SBF2: variants seen among roughly 807,000 people sequenced by gnomAD.
SBF2 encodes the protein SET binding factor 2.
A neutral mutation model predicts 225.2 loss-of-function variants in SBF2; 112 were observed. The observed-to-expected ratio is 0.50, with a 90% CI of 0.43 to 0.58. The LOEUF (loss-of-function observed/expected upper bound fraction) is 0.58, where lower values mean the gene tolerates loss of function less well. Ranked by LOEUF, SBF2 falls within the 20% of genes least tolerant of loss-of-function variation. The pLI is 0.00. For missense variants in SBF2, 1,996 were observed against 2,206.2 expected (o/e 0.90, Z 1.91); for synonymous variants, 763 against 773.3 (o/e 0.99, Z 0.22).
At chr11:9,940,292 C>A (rs1865175284) in intron 16 of SBF2, among the ~76,000 whole-genome samples, 1 of 152,104 alleles carries the variant, frequency 6.6e-6, no homozygotes, top group Admixed American at 6.5e-5. Context: ...GTAGTCCCAG[C>A]TACTTGGGAG....
intron 17 of SBF2, among the ~76,000 whole-genome samples, chr11:9,860,749 A>G (rs1857669441): frequency 6.6e-6 from 1 of 152,248 alleles, no homozygotes; most frequent in Admixed American, 6.5e-5. Context: ...AACATAATCA[A>G]TGGCAACTCT....
At chr11:9,884,592 G>C (rs1860104032) in intron 17 of SBF2, among the ~76,000 whole-genome samples, 1 of 152,172 alleles carries the variant, frequency 6.6e-6, no homozygotes, top group Admixed American at 6.5e-5. Flanking sequence ...TCCTAAGGTT[G>C]CAAATTTCAC....
intron 16 of SBF2, among the ~76,000 whole-genome samples, chr11:9,941,653 G>C (rs896048834): frequency 5.9e-5 from 9 of 152,132 alleles, no homozygotes; most frequent in Admixed American, 5.2e-4. Context: ...GAATGGAAAT[G>C]GACTTAATAA....
chr11:9,809,198 A>T lies in SBF2; in HGVS notation c.4156-196T>A, dbSNP rs1854028778. ...ATGACACTTTTGACTGGATGCAATG[A>T]CTCATGCCCATAATCCCAGCACTTT... On this transcript the variant is annotated intron_variant, in intron 30 of 39. Coordinates refer to ENST00000256190, the MANE Select transcript of SBF2 (RefSeq NM_030962.4). The T allele has an allele frequency of 1.2e-5, 6 of 514,394 alleles. No homozygotes were observed. In the Admixed American group the frequency reaches 1.6e-4, roughly 14 times the overall value. 31.9% of individuals were successfully genotyped at this position (514,394 alleles called of 1,614,324 possible).
At chr11:9,848,316 G>C (rs1005163278) in intron 22 of SBF2, among the ~76,000 whole-genome samples, 1 of 152,054 alleles carries the variant, frequency 6.6e-6, no homozygotes, top group Non-Finnish European at 1.5e-5. Context: ...TATATAACAT[G>C]TAAAATTATA....
At chr11:10,133,510 T>TG (rs1178987441) in intron 2 of SBF2, among the ~76,000 whole-genome samples, 1 of 135,930 alleles carries the variant, frequency 7.4e-6, no homozygotes, top group Admixed American at 7.6e-5. Flanking sequence ...CCAGCACTGC[T>TG]GGGGGACTCA....
At chr11:10,175,964 C>G (rs936449126) in intron 2 of SBF2, among the ~76,000 whole-genome samples, 1 of 145,306 alleles carries the variant, frequency 6.9e-6, no homozygotes. Flanking sequence ...TTGAAACCAA[C>G]GAGAACAAAG....
At chr11:10,004,400 C>T (rs1338321710) in intron 6 of SBF2, among the ~76,000 whole-genome samples, 1 of 151,768 alleles carries the variant, frequency 6.6e-6, no homozygotes, top group African/African-American at 2.4e-5. Context: ...TCATGACTAA[C>T]TCTCCCAAGT....
chr11:9,947,335 A>G (rs1295646315), intron 16 of SBF2, among the ~76,000 whole-genome samples: 2 of 152,170 alleles, frequency 1.3e-5, no homozygotes. Context: ...AATGTCTATG[A>G]CCGCTCTAAA....
chr11:10,097,446 T>G (rs4529876), intron 2 of SBF2, among the ~76,000 whole-genome samples: 40,986 of 152,200 alleles, frequency 0.27, 5,849 homozygotes, highest in Admixed American at 0.36. Flanking sequence ...ACAGTATTAC[T>G]TTCCAGGCAA....
chr11:10,037,469 CAA>C (rs1220799178), intron 3 of SBF2, among the ~76,000 whole-genome samples: 2 of 151,938 alleles, frequency 1.3e-5, no homozygotes, highest in Non-Finnish European at 2.9e-5. Flanking sequence ...ATTTTTAGTT[CAA>C]AGAGTTGGAT....
rs760329902 is a variant in SBF2 at position 9,808,164 on chromosome 11, G to A, written c.4279C>T (p.Leu1427Phe). ...TAQVTSLVQL[L>F]SDPFYRTLEG... Reference sequence around the variant, plus strand: ...AGTGTCCTATAAAAGGGATCACTGAGTAACTGAACCAGGGATGTCACCTAG... The same window carrying A: ...AGTGTCCTATAAAAGGGATCACTGAATAACTGAACCAGGGATGTCACCTAG... Residue 1427 changes from leucine (L) to phenylalanine (F), a missense_variant, in exon 32 of 40, where the codon CTC (leucine) becomes TTC (phenylalanine). Physicochemically the swap from Leu to Phe is conservative, Grantham distance 22. Transcript: ENST00000256190. The A allele has an allele frequency of 6.2e-7, 1 of 1,614,068 alleles. No homozygotes were observed. The highest frequency in any genetic ancestry group is 1.1e-5 in the South Asian group (1 of 91,078).
intron 2 of SBF2, among the ~76,000 whole-genome samples, chr11:10,136,847 T>C (rs1162804297): frequency 6.6e-6 from 1 of 152,244 alleles, no homozygotes; most frequent in Non-Finnish European, 1.5e-5. Context: ...GCCAATACAA[T>C]AGGATGATTC....
intron 29 of SBF2, among the ~76,000 whole-genome samples, chr11:9,816,067 G>A (rs570127910): frequency 3.3e-5 from 5 of 152,318 alleles, no homozygotes; most frequent in African/African-American, 9.6e-5. Flanking sequence ...TGGATTAAAC[G>A]TTGAGATTTC....
At chr11:9,932,983 A>C (rs1345048645) in intron 16 of SBF2, among the ~76,000 whole-genome samples, 2 of 150,834 alleles carry the variant, frequency 1.3e-5, no homozygotes, top group African/African-American at 2.4e-5. Context: ...AAAAAAAAAA[A>C]AAAACAGGTG....
chr11:9,888,292 T>C (rs1219558073), intron 17 of SBF2, among the ~76,000 whole-genome samples: 1 of 150,654 alleles, frequency 6.6e-6, no homozygotes, highest in African/African-American at 2.4e-5. Flanking sequence ...AGCCCAGGAG[T>C]TTGAGACCAG....
At chr11:10,279,106 T>TAAAAAAA (rs58093618) in intron 1 of SBF2, among the ~76,000 whole-genome samples, 3 of 56,118 alleles carry the variant, frequency 5.3e-5, no homozygotes, top group East Asian at 5.5e-4. Flanking sequence ...GGTCTTGTAT[T>TAAAAAAA]AAAAAAAAAA....
intron 1 of SBF2, among the ~76,000 whole-genome samples, chr11:10,236,376 C>T (rs1438821693): frequency 6.6e-6 from 1 of 152,112 alleles, no homozygotes; most frequent in Non-Finnish European, 1.5e-5. Context: ...GGTGGGAGAA[C>T]CACTTGGCTG....
intron 1 of SBF2, 86 bp downstream of exon 1, chr11:10,293,929 G>GGCCCC: frequency 9.6e-7 from 1 of 1,038,518 alleles, no homozygotes; most frequent in Non-Finnish European, 1.2e-6. Flanking sequence ...CCCGACGCCC[G>GGCCCC]TCCCCGACGC....
Sources: allele counts gnomAD v4.1 joint callset (sites outside exome capture counted in the v4.1 genomes callset), GRCh38; gene constraint gnomAD v4.1.1; transcripts MANE v1.5; gene names NCBI Gene and HGNC (gene_info 2026-07-23, HGNC 2026-07-21).